KIF25: variants seen among roughly 807,000 people sequenced by gnomAD.
KIF25 encodes the protein kinesin-like protein KIF25.
A neutral mutation model predicts 32.9 loss-of-function variants in KIF25; 19 were observed. The observed-to-expected ratio is 0.58, with a 90% CI of 0.40 to 0.85. KIF25 has a LOEUF of 0.85. Ranked by LOEUF, KIF25 falls within the 40% of genes least tolerant of loss-of-function variation. The pLI is 0.00. For missense variants in KIF25, 485 were observed against 507.0 expected (o/e 0.96, Z 0.42); for synonymous variants, 225 against 213.7 (o/e 1.05, Z -0.46).
Position 168,042,823 on chromosome 6 carries a change from C to A in KIF25, c.985+107C>A. ...TCGAGGGCCACCCATGCACCCCCTGCACCTCCTGTGTCCTCGCTGTGGCTA... is the reference window on the plus strand; with the variant it reads ...TCGAGGGCCACCCATGCACCCCCTGAACCTCCTGTGTCCTCGCTGTGGCTA... On this transcript the variant is annotated intron_variant, in intron 12 of 12. Transcript: ENST00000643607. 3.0e-6 allele frequency: 4 copies of A among 1,314,422 alleles called. No individual in the cohort carries two copies. The South Asian group carries it at 5.6e-5, about 18-fold the overall frequency. The allele number at this position is 1,314,422 out of a possible 1,614,324, so 81.4% of individuals were successfully genotyped here.
chr6:168,011,748 A>AT (rs1798648948), intron 4 of KIF25, among the ~76,000 whole-genome samples: 1 of 152,116 alleles, frequency 6.6e-6, no homozygotes, highest in African/African-American at 2.4e-5. Flanking sequence ...TTTCTGCTGT[A>AT]TTTTTATTAA....
chr6:168,041,821 AC>A, intron 10 of KIF25, 147 bp from the exon 11 acceptor site: 1 of 706,648 alleles, frequency 1.4e-6, no homozygotes, highest in Non-Finnish European at 2.3e-6. Flanking sequence ...TATCCCCTGG[AC>A]CTCTGCGGAA....
chr6:168,007,030 A>C (rs1450983989), intron 4 of KIF25, among the ~76,000 whole-genome samples: 1 of 152,212 alleles, frequency 6.6e-6, no homozygotes, highest in Non-Finnish European at 1.5e-5. Context: ...AAATCGACAA[A>C]AATTGTATAC....
intron 3 of KIF25, among the ~76,000 whole-genome samples, chr6:168,003,138 G>A (rs757208296): frequency 1.4e-4 from 21 of 152,122 alleles, no homozygotes; most frequent in African/African-American, 4.3e-4. Flanking sequence ...TATCACCACC[G>A]CTCTAAACTG....
chr6:168,010,260 T>C (rs1214825461), intron 4 of KIF25, among the ~76,000 whole-genome samples: 2 of 152,202 alleles, frequency 1.3e-5, no homozygotes, highest in East Asian at 3.9e-4. Flanking sequence ...TATATTTCTA[T>C]TTTAATTTGT....
chr6:168,034,265 T>A (rs1382169967), intron 8 of KIF25, among the ~76,000 whole-genome samples: 1 of 152,232 alleles, frequency 6.6e-6, no homozygotes, highest in Admixed American at 6.5e-5. Context: ...ACTTTATTTT[T>A]AAATTTTTTT....
chr6:168,031,362 G>T (rs1305800869), intron 7 of KIF25, among the ~76,000 whole-genome samples: 1 of 152,178 alleles, frequency 6.6e-6, no homozygotes, highest in East Asian at 1.9e-4. Flanking sequence ...GGGGCATTTT[G>T]AAGAATCTCA....
intron 4 of KIF25, among the ~76,000 whole-genome samples, chr6:168,012,798 G>C (rs1056863901): frequency 6.6e-6 from 1 of 152,058 alleles, no homozygotes; most frequent in Non-Finnish European, 1.5e-5. Context: ...CTGGCCTGAG[G>C]GTGTGTTTGC....
intron 2 of KIF25, among the ~76,000 whole-genome samples, chr6:168,002,118 C>G (rs1472309266): frequency 7.0e-5 from 3 of 43,122 alleles, no homozygotes; most frequent in Non-Finnish European, 1.3e-4. Flanking sequence ...ACACCTGAGG[C>G]GTGGCCTCGG....
chr6:168,006,097 A>G (rs922024256), intron 4 of KIF25, among the ~76,000 whole-genome samples: 2 of 152,170 alleles, frequency 1.3e-5, no homozygotes, highest in African/African-American at 4.8e-5. Flanking sequence ...CTTTAAGTAA[A>G]GATAATCCTG....
At chr6:168,026,983 G>T (rs1445064120) in intron 5 of KIF25, among the ~76,000 whole-genome samples, 1 of 152,178 alleles carries the variant, frequency 6.6e-6, no homozygotes, top group African/African-American at 2.4e-5. Context: ...AGGGATGTAG[G>T]TGAGAGGAAG....
chr6:168,025,195 C>G (rs994001665), intron 5 of KIF25, among the ~76,000 whole-genome samples: 1 of 152,212 alleles, frequency 6.6e-6, no homozygotes, highest in Non-Finnish European at 1.5e-5. Flanking sequence ...AGAGACTCAT[C>G]AGAGACGCGG....
At chr6:168,044,453 G>C (rs113376205) in intron 12 of KIF25, among the ~76,000 whole-genome samples, 37 of 96,044 alleles carry the variant, frequency 3.9e-4, no homozygotes, top group East Asian at 1.4e-3. Context: ...CTGACCCTCC[G>C]GGACCTGGGT....
intron 6 of KIF25, 71 bp from the exon 7 acceptor site, chr6:168,030,702 T>G: frequency 8.3e-7 from 1 of 1,200,726 alleles, no homozygotes; most frequent in Non-Finnish European, 1.2e-6. Flanking sequence ...TGTTCCCAGG[T>G]TTCTGAGTCT....
chr6:168,032,137 A>C (rs76654317), intron 7 of KIF25, among the ~76,000 whole-genome samples: 1,763 of 152,318 alleles, frequency 0.012, 31 homozygotes, highest in African/African-American at 0.039. Flanking sequence ...ATCTGTGTCG[A>C]TATTAAGGCT....
intron 5 of KIF25, among the ~76,000 whole-genome samples, chr6:168,027,978 G>A (rs746852060): frequency 6.6e-6 from 1 of 152,060 alleles, no homozygotes; most frequent in East Asian, 1.9e-4. Context: ...TGAGCCACAC[G>A]AACATGTTTA....
chr6:168,034,704 G>A (rs913461753), intron 8 of KIF25, among the ~76,000 whole-genome samples: 1 of 152,190 alleles, frequency 6.6e-6, no homozygotes, highest in Admixed American at 6.5e-5. Context: ...CCTTCCTCCT[G>A]CCGCCATCAG....
intron 9 of KIF25, among the ~76,000 whole-genome samples, chr6:168,039,101 T>A (rs1227045231): frequency 6.6e-6 from 1 of 151,640 alleles, no homozygotes; most frequent in African/African-American, 2.4e-5. Context: ...ATCTTAAAGC[T>A]GTTAGAGATA....
intron 5 of KIF25, among the ~76,000 whole-genome samples, chr6:168,024,422 TC>T (rs1250492646): frequency 2.5e-5 from 3 of 117,764 alleles, no homozygotes; most frequent in East Asian, 3.0e-4. Flanking sequence ...AAAACCTCTC[TC>T]TTTTTTTTTT....
Sources: allele counts gnomAD v4.1 joint callset (sites outside exome capture counted in the v4.1 genomes callset), GRCh38; gene constraint gnomAD v4.1.1; transcripts MANE v1.5; gene names NCBI Gene and HGNC (gene_info 2026-07-23, HGNC 2026-07-21).